SMG5: variants seen among roughly 807,000 people sequenced by gnomAD.
SMG5 encodes SMG5 nonsense mediated mRNA decay factor.
In SMG5, 53 loss-of-function variants were observed where a neutral mutation model predicts 122.9. The ratio of observed to expected loss-of-function variants is 0.43; its 90% confidence interval spans 0.35 to 0.54. The LOEUF (loss-of-function observed/expected upper bound fraction) is 0.54. Among genes scored for constraint, SMG5 ranks in the 20% least tolerant of loss-of-function variants. The probability of loss-of-function intolerance (pLI) is 0.01; values close to 1 mark genes in which losing one functional copy is unlikely to be tolerated. For synonymous variants in SMG5, 477 were observed against 490.2 expected (o/e 0.97, Z 0.35); for missense variants, 1,153 against 1,285.6 (o/e 0.90, Z 1.58).
In SMG5 at chr1:156,277,905, A is replaced by T. The variant is rs941911561; in HGVS notation, c.297+20T>A. 10 of 1,613,102 alleles carry T rather than the reference A, an allele frequency of 6.2e-6. No homozygotes were observed. The Middle Eastern group carries it at 5.0e-4, about 80-fold the overall frequency. On this transcript the variant is annotated intron_variant, in intron 3 of 21. Transcript: ENST00000361813. ...CTTCCTTCCTTGGCTTTCCCTCTTT[A>T]GACAAGGACTTCCCCTTACCTTTTT...
intron 16 of SMG5, among the ~76,000 whole-genome samples, chr1:156,254,905 C>T (rs1661513518): frequency 6.6e-6 from 1 of 151,542 alleles, no homozygotes; most frequent in African/African-American, 2.4e-5. Flanking sequence ...GCCTGGCCAA[C>T]ATGGCAAAAC....
chr1:156,286,534 T>C, upstream of SMG5: 1 of 1,553,870 alleles, frequency 6.4e-7, no homozygotes, highest in Non-Finnish European at 8.8e-7. Flanking sequence ...CCTAGGCATC[T>C]GAATGTCTGG....
At chr1:156,285,530 CCT>C (rs765174981), upstream of SMG5, 7 of 1,614,080 alleles carry the variant, frequency 4.3e-6, no homozygotes, top group Admixed American at 5.0e-5. Flanking sequence ...ACCAGAGCCC[CCT>C]GAGTCAGAAC....
chr1:156,279,186 A>C, intron 1 of SMG5, 152 bp from the exon 2 acceptor site: 1 of 676,050 alleles, frequency 1.5e-6, no homozygotes, highest in Non-Finnish European at 2.6e-6. Context: ...AACAAGATGA[A>C]CACAGTCTCC....
intron 1 of SMG5, among the ~76,000 whole-genome samples, chr1:156,279,243 G>C (rs1352824938): frequency 7.2e-6 from 1 of 139,564 alleles, no homozygotes; most frequent in African/African-American, 2.7e-5. Flanking sequence ...CGCCCACCAG[G>C]GGACATTTGG....
In SMG5 at chr1:156,250,583, A is replaced by C; in HGVS notation, c.*4T>G. 2 of 1,613,836 alleles carry C rather than the reference A, an allele frequency of 1.2e-6. No homozygotes were observed. The highest frequency in any genetic ancestry group is 1.7e-6 in the Non-Finnish European group (2 of 1,179,752). Reference sequence around the variant, plus strand: ...AGCCCCACTGCAGGGCCTGGGGGTCAGTATCAACCAATTTCCTTCCACTGC... The same window carrying C: ...AGCCCCACTGCAGGGCCTGGGGGTCCGTATCAACCAATTTCCTTCCACTGC... On this transcript the variant is annotated 3_prime_UTR_variant, in exon 22 of 22. Coordinates refer to ENST00000361813, the MANE Select transcript of SMG5 (RefSeq NM_015327.3).
chr1:156,260,459 A>C lies in SMG5; in HGVS notation c.2275T>G (p.Leu759Val), dbSNP rs755626951. The change falls in exon 15 of 22, where the codon TTA (leucine) becomes GTA (valine). Residue 759 changes from leucine to valine, a missense_variant. Physicochemically the swap from Leu to Val is conservative, Grantham distance 32. Transcript: ENST00000361813. ...AGAAATGCTATCCTTACCTCCTCTA[A>C]GGTGCTGAGCAGGGGCCGATCCGTG... ...FDTDRPLLST[L>V]EESVVRICCI... The C allele has an allele frequency of 1.1e-5, 17 of 1,598,064 alleles. 1 individual carries two copies. In the South Asian group the frequency reaches 1.9e-4, roughly 18 times the overall value.
Position 156,277,098 on chromosome 1 carries a change from A to G in SMG5, c.441T>C (p.Thr147=). 1 of 1,613,600 alleles carries G rather than the reference A, an allele frequency of 6.2e-7. No individual in the cohort carries two copies. Among genetic ancestry groups the G allele is most frequent in the South Asian group, 1.1e-5 (1 of 91,006 alleles). The change falls in exon 4 of 22, where the codon ACT becomes ACC. Residue 147 remains threonine (T), a synonymous_variant. Transcript: ENST00000361813. ...LQCCIDWTHV[T]DPLIGCKKPV... Reference sequence around the variant, plus strand: ...GGTTCCACTGACCTATGAGGGGGTCAGTGACATGGGTCCAGTCGATGCAGC... The same window carrying G: ...GGTTCCACTGACCTATGAGGGGGTCGGTGACATGGGTCCAGTCGATGCAGC...
intron 16 of SMG5, among the ~76,000 whole-genome samples, chr1:156,255,696 A>G (rs1327578009): frequency 6.6e-6 from 1 of 152,180 alleles, no homozygotes; most frequent in African/African-American, 2.4e-5. Context: ...GACCAGCCTC[A>G]GCAACATAGC....
At chr1:156,256,579 T>TC (rs1661585166) in intron 16 of SMG5, among the ~76,000 whole-genome samples, 1 of 151,862 alleles carries the variant, frequency 6.6e-6, no homozygotes, top group African/African-American at 2.4e-5. Flanking sequence ...GTGTAAAAGC[T>TC]CCCCCAGAGA....
intron 15 of SMG5, among the ~76,000 whole-genome samples, 160 bp from the exon 16 acceptor site, chr1:156,259,323 G>A (rs1247286894): frequency 6.6e-6 from 1 of 151,962 alleles, no homozygotes; most frequent in Non-Finnish European, 1.5e-5. Context: ...GGGGTGGGAA[G>A]GAGAAACACT....
intron 9 of SMG5, 147 bp from the exon 10 acceptor site, chr1:156,267,825 C>A: frequency 1.3e-6 from 1 of 758,676 alleles, no homozygotes. Flanking sequence ...CTGGATTGAT[C>A]TCCATAGCAA....
chr1:156,260,845 A>G (rs1187549351), intron 14 of SMG5, among the ~76,000 whole-genome samples: 2 of 152,232 alleles, frequency 1.3e-5, no homozygotes, highest in African/African-American at 4.8e-5. Flanking sequence ...AGGATGGCTC[A>G]GGTCAGGAAG....
the SMG5 span, among the ~76,000 whole-genome samples, chr1:156,288,988 G>A: frequency 6.6e-6 from 1 of 152,196 alleles, no homozygotes; most frequent in South Asian, 2.1e-4. Context: ...CAGATTAGGG[G>A]AAGAGAGTTG....
upstream of SMG5, chr1:156,285,128 G>A (rs1663112923): frequency 6.9e-7 from 1 of 1,449,642 alleles, no homozygotes; most frequent in South Asian, 1.5e-5. Context: ...CTGTCAACCT[G>A]TCCTAATAAC....
rs539302589 is a variant in SMG5 at position 156,266,284 on chromosome 1, C to T, written c.1352G>A (p.Arg451His). 23 of 1,614,094 alleles carry T rather than the reference C, an allele frequency of 1.4e-5. No individual in the cohort carries two copies. The highest frequency in any genetic ancestry group is 4.5e-5 in the East Asian group (2 of 44,896). Reference protein sequence around the residue: ...TPQVGEGRKSRKFSRLSCLRR... With the variant: ...TPQVGEGRKSHKFSRLSCLRR... ...GAGACAGGAGAGGCGAGAGAACTTA[C>T]GGCTCTTTCTGCCCTCACCCACTTG... The change falls in exon 12 of 22, where the codon CGT becomes CAT. Residue 451 changes from arginine to histidine, a missense_variant. By Grantham distance (29) the Arg-to-His change is conservative. Around this residue, in one of 5 missense-constraint regions of SMG5, gnomAD observed 631 missense variants for 650.6 expected, o/e 0.97. Coordinates refer to ENST00000361813, the MANE Select transcript of SMG5 (RefSeq NM_015327.3).
chr1:156,250,682 G>A lies in SMG5; in HGVS notation c.2968-12C>T. On this transcript the variant is annotated splice_polypyrimidine_tract_variant and intron_variant, in intron 21 of 21. Coordinates refer to ENST00000361813, the MANE Select transcript of SMG5 (RefSeq NM_015327.3). ...GCCTGCAGGGCTGCCTGTGGAATGG[G>A]AGAAGGAAAGATGGAGAGGGTCTGA... 2 of 1,613,644 alleles carry A rather than the reference G, an allele frequency of 1.2e-6. No homozygotes were observed. The highest frequency in any genetic ancestry group is 1.7e-6 in the Non-Finnish European group (2 of 1,179,592).
intron 10 of SMG5, among the ~76,000 whole-genome samples, chr1:156,267,100 C>A (rs1360224145): frequency 6.6e-6 from 1 of 152,184 alleles, no homozygotes; most frequent in African/African-American, 2.4e-5. Flanking sequence ...CCCAATCTTG[C>A]TCTACATACA....
chr1:156,289,544 G>A, the SMG5 span, among the ~76,000 whole-genome samples: 2 of 152,142 alleles, frequency 1.3e-5, no homozygotes, highest in African/African-American at 4.8e-5. Context: ...CCTGGGAGGC[G>A]GAGCTTGCAG....
Sources: allele counts gnomAD v4.1 joint callset (sites outside exome capture counted in the v4.1 genomes callset), GRCh38; gene constraint gnomAD v4.1.1; regional missense constraint gnomAD v4.1.1; transcripts MANE v1.5; gene names NCBI Gene and HGNC (gene_info 2026-07-23, HGNC 2026-07-21).